The following PTPN12 variants were observed in gnomAD, a reference collection of about 807,000 sequenced individuals.
PTPN12 encodes tyrosine-protein phosphatase non-receptor type 12.
Under a neutral mutation model 97.6 loss-of-function variants are expected in PTPN12, and 29 were observed. The ratio of observed to expected loss-of-function variants is 0.30; its 90% CI spans 0.22 to 0.41. The LOEUF (loss-of-function observed/expected upper bound fraction) is 0.41, where lower values mean the gene tolerates loss of function less well. Among genes scored for constraint, PTPN12 ranks in the 10% least tolerant of loss-of-function variants. PTPN12 has a pLI of 1.00. For synonymous variants in PTPN12, 327 were observed against 300.4 expected (o/e 1.09, Z -0.91); for missense variants, 819 against 926.0 (o/e 0.88, Z 1.50).
At position 77,626,696 on chromosome 7, in the gene PTPN12, G is replaced by GT. The variant is rs772302135; in HGVS notation, c.1026-4dup. The GT allele has an allele frequency of 1.3e-5, 20 of 1,579,142 alleles. No individual in the cohort carries two copies. The highest frequency in any genetic ancestry group is 1.7e-6 in the Non-Finnish European group (2 of 1,163,812). On this transcript the variant is annotated splice_polypyrimidine_tract_variant and intron_variant, in intron 12 of 17. Coordinates refer to ENST00000248594, the MANE Select transcript of PTPN12 (RefSeq NM_002835.4). ...CTTAAAATGCCCTTTTTAAATGTTT[G>GT]TTTTTCAGTTGCCTTGTTGAAGGGG...
intron 1 of PTPN12, among the ~76,000 whole-genome samples, chr7:77,565,529 C>T (rs981161438): frequency 2.6e-5 from 4 of 152,266 alleles, no homozygotes; most frequent in Non-Finnish European, 5.9e-5. Context: ...ATTACACATC[C>T]AGTGGACAGG....
At chr7:77,549,740 C>A (rs1424330936) in intron 1 of PTPN12, among the ~76,000 whole-genome samples, 1 of 151,948 alleles carries the variant, frequency 6.6e-6, no homozygotes, top group African/African-American at 2.4e-5. Context: ...CCACCATGTC[C>A]TACTAATTTT....
At chr7:77,597,756 G>A (rs1199701325) in intron 6 of PTPN12, 86 bp from the exon 7 acceptor site, 4 of 1,439,410 alleles carry the variant, frequency 2.8e-6, no homozygotes, top group Middle Eastern at 1.9e-4. Context: ...TTATATTGTG[G>A]ACTTTGATAC....
At chr7:77,602,831 A>T (rs1181170921) in intron 8 of PTPN12, among the ~76,000 whole-genome samples, 3 of 152,198 alleles carry the variant, frequency 2.0e-5, no homozygotes, top group Non-Finnish European at 4.4e-5. Flanking sequence ...TAAGACTGCT[A>T]TCAATTTATT....
chr7:77,636,855 T>A (rs911818349), intron 15 of PTPN12, 163 bp from the exon 16 acceptor site: 11 of 530,408 alleles, frequency 2.1e-5, no homozygotes, highest in South Asian at 2.7e-5. Context: ...CATAACATTT[T>A]AAAATTTTAA....
At chr7:77,543,503 T>TA (rs1385624122) in intron 1 of PTPN12, among the ~76,000 whole-genome samples, 1 of 152,156 alleles carries the variant, frequency 6.6e-6, no homozygotes, top group Non-Finnish European at 1.5e-5. Context: ...CTTATAGGTT[T>TA]AAAAAAACTA....
At chr7:77,611,409 A>G (rs1164835810) in intron 11 of PTPN12, among the ~76,000 whole-genome samples, 1 of 152,066 alleles carries the variant, frequency 6.6e-6, no homozygotes, top group South Asian at 2.1e-4. Context: ...TTCATTTTGT[A>G]TAAAGTGTTT....
At position 77,627,536 on chromosome 7, in the gene PTPN12, G is replaced by C. The variant is rs1789242119; in HGVS notation, c.1857G>C (p.Gln619His). 2 of 1,613,908 alleles carry C rather than the reference G, an allele frequency of 1.2e-6. No homozygotes were observed. Among genetic ancestry groups the C allele is most frequent in the Non-Finnish European group, 1.7e-6 (2 of 1,179,992 alleles). Reference sequence around the variant, plus strand: ...GAAACTCTGATGGTGCTGTGACCCAGAATAAAACTAATATTTCAACAGCAA... The same window carrying C: ...GAAACTCTGATGGTGCTGTGACCCACAATAAAACTAATATTTCAACAGCAA... ...DERNSDGAVT[Q>H]NKTNISTASA... is the part of the protein sequence containing the mutation. Residue 619 changes from glutamine (Q) to histidine (H), a missense_variant, in exon 13 of 18, where the codon CAG becomes CAC. This residue lies in a region of PTPN12 where 607 missense variants were observed against 577.3 expected (regional missense o/e 1.05). Coordinates refer to ENST00000248594, the MANE Select transcript of PTPN12 (RefSeq NM_002835.4).
intron 7 of PTPN12, among the ~76,000 whole-genome samples, chr7:77,600,200 G>A (rs1256066653): frequency 6.6e-6 from 1 of 152,096 alleles, no homozygotes; most frequent in Non-Finnish European, 1.5e-5. Context: ...TCAGTTTAAT[G>A]TTCTGTTAGT....
intron 1 of PTPN12, among the ~76,000 whole-genome samples, chr7:77,556,884 A>T (rs932717748): frequency 6.6e-6 from 1 of 152,164 alleles, no homozygotes; most frequent in African/African-American, 2.4e-5. Context: ...TTACTATGAG[A>T]ACCTGGTAGA....
intron 1 of PTPN12, among the ~76,000 whole-genome samples, chr7:77,561,782 A>T (rs201582438): frequency 8.0e-6 from 1 of 124,586 alleles, no homozygotes; most frequent in Non-Finnish European, 1.7e-5. Context: ...TTAATTAATT[A>T]ATTTTATTTA....
intron 2 of PTPN12, among the ~76,000 whole-genome samples, chr7:77,574,377 T>C (rs981231605): frequency 6.6e-6 from 1 of 152,152 alleles, no homozygotes; most frequent in Non-Finnish European, 1.5e-5. Context: ...AACTCTGAGG[T>C]AAGTACTGTT....
intron 1 of PTPN12, among the ~76,000 whole-genome samples, chr7:77,563,145 T>A (rs1338445672): frequency 1.3e-5 from 2 of 152,218 alleles, no homozygotes; most frequent in African/African-American, 4.8e-5. Context: ...AGAGATCTCC[T>A]TCGCTAGTAA....
At chr7:77,605,586 AT>A (rs66467147) in intron 8 of PTPN12, among the ~76,000 whole-genome samples, 106,776 of 147,806 alleles carry the variant, frequency 0.72, 39,666 homozygotes, top group East Asian at 0.9. Context: ...CGCCCGGCTA[AT>A]TTTTTTTTTT....
chr7:77,607,185 T>A, intron 8 of PTPN12, 50 bp from the exon 9 acceptor site: 1 of 1,368,422 alleles, frequency 7.3e-7, no homozygotes, highest in Non-Finnish European at 1.0e-6. Flanking sequence ...ATTTATTTTA[T>A]AGTTGTTTTA....
intron 1 of PTPN12, among the ~76,000 whole-genome samples, chr7:77,555,576 CCAA>C (rs1562708766): frequency 6.6e-6 from 1 of 152,114 alleles, no homozygotes; most frequent in African/African-American, 2.4e-5. Flanking sequence ...AGTAAGCCCA[CCAA>C]CAACATTCTT....
chr7:77,633,999 G>T (rs1447469159), intron 14 of PTPN12, among the ~76,000 whole-genome samples: 1 of 152,030 alleles, frequency 6.6e-6, no homozygotes, highest in African/African-American at 2.4e-5. Flanking sequence ...TTCCAGCCTG[G>T]GCAACAAGAG....
intron 9 of PTPN12, among the ~76,000 whole-genome samples, chr7:77,609,001 C>T (rs746955700): frequency 6.6e-6 from 1 of 152,098 alleles, no homozygotes; most frequent in Non-Finnish European, 1.5e-5. Flanking sequence ...GGGCGGATCA[C>T]CTGAGGTCAG....
rs537797513 is a variant in PTPN12 at position 77,554,272 on chromosome 7, T to G, written c.99+16627T>G. On this transcript the variant is annotated intron_variant, in intron 1 of 17. Coordinates refer to ENST00000248594, the MANE Select transcript of PTPN12 (RefSeq NM_002835.4). ...GAGCCACTGTGCCCAGCTGGGTGTT[T>G]TCACTTTTTTAAGTGGTTGCTCTGG... is the stretch of plus-strand genomic sequence containing the variant. 2.5e-4 allele frequency among the ~76,000 whole-genome samples: 38 copies of G among 152,364 alleles called. 2 individuals are homozygous for G. In the South Asian group the frequency reaches 7.0e-3, roughly 28 times the overall value.
Sources: allele counts gnomAD v4.1 joint callset (sites outside exome capture counted in the v4.1 genomes callset), GRCh38; gene constraint gnomAD v4.1.1; regional missense constraint gnomAD v4.1.1; transcripts MANE v1.5; gene names NCBI Gene and HGNC (gene_info 2026-07-23, HGNC 2026-07-21).